Variants in RORA observed in about 807,000 individuals in gnomAD.
RORA encodes the protein RAR related orphan receptor A.
A neutral mutation model predicts 69.5 loss-of-function variants in RORA; 7 were observed. The observed-to-expected ratio is 0.10, with a 90% CI of 0.06 to 0.19. The LOEUF is 0.19. Among genes scored for constraint, RORA ranks in the 10% least tolerant of loss-of-function variants. RORA has a pLI of 1.00. For missense variants in RORA, 457 were observed against 663.0 expected, an observed-to-expected ratio of 0.69 and a Z score of 3.41; for synonymous variants, 261 against 240.8, an observed-to-expected ratio of 1.08 and a Z score of -0.78.
At chr15:61,087,705 T>C (rs1226267812) in intron 1 of RORA, among the ~76,000 whole-genome samples, 4 of 152,246 alleles carry the variant, frequency 2.6e-5, no homozygotes, top group African/African-American at 4.8e-5. Context: ...AATGTTAATA[T>C]ATGTTGCTAA....
intron 1 of RORA, among the ~76,000 whole-genome samples, chr15:60,965,297 A>G (rs997104284): frequency 4.3e-4 from 65 of 152,264 alleles, no homozygotes; most frequent in African/African-American, 1.5e-3. Flanking sequence ...CCTGTCATAG[A>G]GCATCCCAGC....
chr15:60,863,914 C>T (rs183905943), intron 1 of RORA, among the ~76,000 whole-genome samples: 7 of 151,770 alleles, frequency 4.6e-5, no homozygotes, highest in Non-Finnish European at 8.8e-5. Flanking sequence ...TCAAGCAATT[C>T]TTCTTCCTCA....
intron 1 of RORA, among the ~76,000 whole-genome samples, chr15:61,020,085 A>G (rs1895453429): frequency 6.6e-6 from 1 of 152,218 alleles, no homozygotes; most frequent in Non-Finnish European, 1.5e-5. Context: ...CCCTTTGTAG[A>G]GTATCAATGA....
chr15:60,651,779 C>T (rs183039338), intron 2 of RORA, among the ~76,000 whole-genome samples: 8 of 152,286 alleles, frequency 5.3e-5, no homozygotes, highest in Admixed American at 2.0e-4. Flanking sequence ...GAGTTTTGAA[C>T]AGCCACTTTA....
At chr15:60,514,472 G>A (rs1220479463) in intron 4 of RORA, 144 bp downstream of exon 4, 2 of 752,596 alleles carry the variant, frequency 2.7e-6, no homozygotes, top group African/African-American at 1.7e-5. Context: ...CCATGTAGCT[G>A]CCAGAGGAGC....
At chr15:60,738,217 A>G (rs1444287643) in intron 1 of RORA, among the ~76,000 whole-genome samples, 1 of 152,226 alleles carries the variant, frequency 6.6e-6, no homozygotes, top group African/African-American at 2.4e-5. Context: ...CCAAATGGAG[A>G]CATTTTTGAA....
At chr15:60,666,453 G>A (rs561128810) in intron 2 of RORA, among the ~76,000 whole-genome samples, 4 of 150,074 alleles carry the variant, frequency 2.7e-5, no homozygotes, top group South Asian at 4.2e-4. Context: ...CCAAAGTGCT[G>A]GGACTACAGG....
At chr15:60,850,196 T>TG (rs1413543155) in intron 1 of RORA, among the ~76,000 whole-genome samples, 1 of 152,104 alleles carries the variant, frequency 6.6e-6, no homozygotes, top group South Asian at 2.1e-4. Context: ...GCCTCTCACA[T>TG]GTTTAGGGTC....
At chr15:61,149,040 A>G (rs545873952) in intron 1 of RORA, among the ~76,000 whole-genome samples, 59 of 152,330 alleles carry the variant, frequency 3.9e-4, no homozygotes, top group African/African-American at 1.3e-3. Context: ...CTACAAATGA[A>G]CAAAAGCTAC....
At chr15:60,512,958 T>C (rs2065750390) in intron 4 of RORA, among the ~76,000 whole-genome samples, 1 of 152,226 alleles carries the variant, frequency 6.6e-6, no homozygotes, top group African/African-American at 2.4e-5. Context: ...GTTCTCCTAA[T>C]TGATTGTGGT....
chr15:60,782,086 G>A (rs1283437834), intron 1 of RORA, among the ~76,000 whole-genome samples: 2 of 152,178 alleles, frequency 1.3e-5, no homozygotes, highest in Non-Finnish European at 2.9e-5. Flanking sequence ...TTAGTCAGGC[G>A]TGGTGGCAGG....
chr15:60,501,100 AT>A, intron 8 of RORA, 31 bp from the exon 9 acceptor site: 1 of 1,302,042 alleles, frequency 7.7e-7, no homozygotes, highest in Non-Finnish European at 1.1e-6. Context: ...ACAGTTTAGA[AT>A]TTTGATTATT....
chr15:61,125,399 T>C (rs1228697487), intron 1 of RORA, among the ~76,000 whole-genome samples: 3 of 152,238 alleles, frequency 2.0e-5, no homozygotes, highest in Non-Finnish European at 2.9e-5. Flanking sequence ...TTATTGATAC[T>C]ATTAGATTAC....
chr15:60,883,067 G>C (rs1750204730), intron 1 of RORA, among the ~76,000 whole-genome samples: 1 of 140,762 alleles, frequency 7.1e-6, no homozygotes, highest in African/African-American at 2.7e-5. Context: ...GGAGGTGGAA[G>C]CTGCAGTGAG....
At chr15:61,090,947 CACTCTGT>C (rs2078697126) in intron 1 of RORA, among the ~76,000 whole-genome samples, 3 of 152,170 alleles carry the variant, frequency 2.0e-5, no homozygotes, top group Admixed American at 2.0e-4. Context: ...CTCATGATCT[CACTCTGT>C]CCCTGCTAAT....
chr15:60,820,535 A>AG (rs1411114470), intron 1 of RORA, among the ~76,000 whole-genome samples: 1 of 151,988 alleles, frequency 6.6e-6, no homozygotes, highest in Non-Finnish European at 1.5e-5. Context: ...TTAAGATTTG[A>AG]GGGAAAAAAG....
At chr15:61,169,438 T>C (rs923025397) in intron 1 of RORA, among the ~76,000 whole-genome samples, 3 of 152,058 alleles carry the variant, frequency 2.0e-5, no homozygotes, top group South Asian at 2.1e-4. Flanking sequence ...CCTCCTCTTC[T>C]GCAGGTTCCT....
At chr15:60,961,701 A>T (rs368583160) in intron 1 of RORA, among the ~76,000 whole-genome samples, 1 of 152,236 alleles carries the variant, frequency 6.6e-6, no homozygotes, top group African/African-American at 2.4e-5. Flanking sequence ...ATCCACCGAT[A>T]TATGTTGTCG....
chr15:60,664,430 T>C (rs1360492466), intron 2 of RORA, among the ~76,000 whole-genome samples: 1 of 152,152 alleles, frequency 6.6e-6, no homozygotes, highest in Non-Finnish European at 1.5e-5. Context: ...TATTAAAGAC[T>C]CCCATCTGAG....
Sources: gnomAD v4.1 joint callset for allele counts (sites outside exome capture counted in the v4.1 genomes callset) on GRCh38, gnomAD v4.1.1 for gene constraint, MANE v1.5 for transcripts, NCBI Gene and HGNC (gene_info 2026-07-23, HGNC 2026-07-21) for gene names.